ASIC2: variants seen among roughly 807,000 people sequenced by gnomAD.
ASIC2 encodes acid sensing ion channel subunit 2, also known as acid-sensing ion channel 2.
ASIC2 carries 25 observed loss-of-function variants against 57.3 expected under a neutral mutation model. The observed-to-expected ratio is 0.44, with a 90% CI of 0.32 to 0.61. ASIC2 has a LOEUF of 0.61. ASIC2 is among the 20% of genes least tolerant of loss of function. The probability of loss-of-function intolerance (pLI) is 0.06; values close to 1 mark genes in which losing one functional copy is unlikely to be tolerated. For missense variants in ASIC2, 641 were observed against 738.1 expected, an observed-to-expected ratio of 0.87 and a Z score of 1.52; for synonymous variants, 319 against 307.5, an observed-to-expected ratio of 1.04 and a Z score of -0.39.
chr17:33,197,378 G>A (rs1208988989), intron 1 of ASIC2, among the ~76,000 whole-genome samples: 1 of 152,134 alleles, frequency 6.6e-6, no homozygotes, highest in Non-Finnish European at 1.5e-5. Flanking sequence ...CCTGCTCTGG[G>A]CCCCACACTT....
At chr17:33,582,523 A>G (rs1904478151) in intron 1 of ASIC2, among the ~76,000 whole-genome samples, 1 of 152,070 alleles carries the variant, frequency 6.6e-6, no homozygotes, top group Non-Finnish European at 1.5e-5. Context: ...CAAGTTACCT[A>G]ACTTCTCTAT....
At chr17:33,854,417 A>G (rs1567735385) in intron 1 of ASIC2, among the ~76,000 whole-genome samples, 1 of 152,248 alleles carries the variant, frequency 6.6e-6, no homozygotes, top group Non-Finnish European at 1.5e-5. Context: ...GTGCATGTTT[A>G]TGCACATGGG....
At chr17:33,751,017 G>A (rs1384174375) in intron 1 of ASIC2, among the ~76,000 whole-genome samples, 5 of 152,254 alleles carry the variant, frequency 3.3e-5, no homozygotes, top group East Asian at 3.9e-4. Flanking sequence ...GGCCCCTTTT[G>A]TTATGAAAAT....
intron 1 of ASIC2, among the ~76,000 whole-genome samples, chr17:33,842,590 G>A (rs971178420): frequency 2.0e-5 from 3 of 152,146 alleles, no homozygotes; most frequent in African/African-American, 7.2e-5. Context: ...ATGGGACCTG[G>A]CAACAAAGTT....
chr17:33,683,570 C>G (rs1239623837), intron 1 of ASIC2, among the ~76,000 whole-genome samples: 1 of 151,996 alleles, frequency 6.6e-6, no homozygotes, highest in Non-Finnish European at 1.5e-5. Context: ...GAGATAGGGT[C>G]TTGTTCTGTT....
chr17:34,017,218 TGGTGATCTGTGATC>T (rs1239241272), intron 1 of ASIC2, among the ~76,000 whole-genome samples: 2 of 152,234 alleles, frequency 1.3e-5, no homozygotes, highest in Non-Finnish European at 2.9e-5. Flanking sequence ...ATATCTGTTA[TGGTGATCTGTGATC>T]GGTGACCTTT....
At chr17:33,156,297 T>G (rs573330585) in intron 1 of ASIC2, among the ~76,000 whole-genome samples, 2 of 151,742 alleles carry the variant, frequency 1.3e-5, no homozygotes, top group Admixed American at 1.3e-4. Context: ...CTGGCTAATT[T>G]TTGTATTTTT....
intron 1 of ASIC2, among the ~76,000 whole-genome samples, chr17:33,369,367 G>A (rs1179133166): frequency 6.6e-6 from 1 of 152,216 alleles, no homozygotes; most frequent in Non-Finnish European, 1.5e-5. Flanking sequence ...AAGCCCAGAG[G>A]TAGCAATTAG....
intron 1 of ASIC2, chr17:33,976,588 G>T (rs62057456): frequency 0.2 from 29,875 of 152,054 alleles, 3,181 homozygotes; most frequent in Middle Eastern, 0.26. Context: ...ACGCATGTGA[G>T]CTCATCCAAT....
At chr17:34,086,956 T>C (rs1487746513) in intron 1 of ASIC2, among the ~76,000 whole-genome samples, 1 of 152,220 alleles carries the variant, frequency 6.6e-6, no homozygotes, top group African/African-American at 2.4e-5. Flanking sequence ...ATGGGTTTCC[T>C]GAATACAGCA....
rs1914852287 is a variant in ASIC2 at position 33,887,312 on chromosome 17, C to T, written c.555+268666G>A. On this transcript the variant is annotated intron_variant, in intron 1 of 9. Transcript: ENST00000359872. The stretch of plus-strand genomic sequence containing the variant: ...TCTCTGTCCTAGAGTGGCTTACTGT[C>T]TAGAAGAGCGAGACAGTATAAAAAT... Among the ~76,000 whole-genome samples the T allele has an allele frequency of 2.0e-5, 3 of 152,244 alleles. No homozygotes were observed. In the South Asian group the frequency reaches 6.2e-4, roughly 32 times the overall value.
At chr17:33,137,267 G>T (rs557670359) in intron 1 of ASIC2, among the ~76,000 whole-genome samples, 1 of 152,336 alleles carries the variant, frequency 6.6e-6, no homozygotes, top group South Asian at 2.1e-4. Context: ...GCTAGCTAGG[G>T]TTAAAGATGT....
At chr17:34,131,584 C>T (rs772543232) in intron 1 of ASIC2, among the ~76,000 whole-genome samples, 1 of 152,250 alleles carries the variant, frequency 6.6e-6, no homozygotes, top group Non-Finnish European at 1.5e-5. Context: ...GGCACGCAAC[C>T]ATTCCTGGGG....
chr17:33,338,441 C>T (rs1251355870), intron 1 of ASIC2, among the ~76,000 whole-genome samples: 1 of 152,086 alleles, frequency 6.6e-6, no homozygotes, highest in Non-Finnish European at 1.5e-5. Context: ...GGGGTGGCTT[C>T]CTGGAGGAGG....
intron 1 of ASIC2, among the ~76,000 whole-genome samples, chr17:33,713,180 A>C (rs1377647927): frequency 6.6e-6 from 1 of 152,218 alleles, no homozygotes; most frequent in Non-Finnish European, 1.5e-5. Flanking sequence ...AGATTACATA[A>C]GTTGTGAATA....
At chr17:33,370,123 C>T (rs141344713) in intron 1 of ASIC2, among the ~76,000 whole-genome samples, 3 of 152,296 alleles carry the variant, frequency 2.0e-5, no homozygotes, top group African/African-American at 4.8e-5. Context: ...TTCCCCAGGA[C>T]AGCCACCTTA....
At chr17:33,283,826 T>G (rs1467171206) in intron 1 of ASIC2, among the ~76,000 whole-genome samples, 2 of 152,166 alleles carry the variant, frequency 1.3e-5, no homozygotes, top group Non-Finnish European at 2.9e-5. Context: ...GTATAATAAA[T>G]TAAGCTTCTG....
chr17:33,214,949 C>T (rs555916280), intron 1 of ASIC2, among the ~76,000 whole-genome samples: 2 of 152,332 alleles, frequency 1.3e-5, no homozygotes, highest in South Asian at 4.1e-4. Context: ...AGTCACACAG[C>T]TGGCAAAAGG....
chr17:33,658,034 G>A (rs549204917), intron 1 of ASIC2, among the ~76,000 whole-genome samples: 1 of 152,284 alleles, frequency 6.6e-6, no homozygotes, highest in East Asian at 1.9e-4. Flanking sequence ...AGCAAACCAT[G>A]ACAAAGACTT....
Sources: allele counts gnomAD v4.1 joint callset (sites outside exome capture counted in the v4.1 genomes callset), GRCh38; gene constraint gnomAD v4.1.1; transcripts MANE v1.5; gene names NCBI Gene and HGNC (gene_info 2026-07-23, HGNC 2026-07-21).